The following LONRF1 variants were observed in gnomAD, a reference collection of about 807,000 sequenced individuals.
LONRF1 encodes LON peptidase N-terminal domain and RING finger protein 1.
In LONRF1, 37 loss-of-function variants were observed where a neutral mutation model predicts 85.8. That is an observed-to-expected ratio of 0.43 (90% CI 0.33 to 0.57). The LOEUF is 0.57. Among genes scored for constraint, LONRF1 ranks in the 20% least tolerant of loss-of-function variants. The pLI, the probability that LONRF1 is intolerant of heterozygous loss-of-function variation, is 0.04. For synonymous variants in LONRF1, 517 were observed against 390.1 expected, an observed-to-expected ratio of 1.33 and a Z score of -3.83; for missense variants, 1,036 against 978.0, an observed-to-expected ratio of 1.06 and a Z score of -0.79.
intron 3 of LONRF1, 140 bp from the exon 4 acceptor site, chr8:12,738,284 C>G (rs1291998418): frequency 1.9e-5 from 11 of 567,718 alleles, no homozygotes; most frequent in Non-Finnish European, 3.2e-5. Context: ...ACAAGGTAAG[C>G]AACACTGTAA....
chr8:12,736,404 T>C (rs1798716719), intron 6 of LONRF1, among the ~76,000 whole-genome samples: 1 of 152,176 alleles, frequency 6.6e-6, no homozygotes, highest in African/African-American at 2.4e-5. Context: ...TCTATAACTT[T>C]CTTAGTACTT....
intron 1 of LONRF1, among the ~76,000 whole-genome samples, chr8:12,750,543 C>T (rs371104166): frequency 2.0e-5 from 3 of 152,284 alleles, no homozygotes; most frequent in African/African-American, 4.8e-5. Context: ...TTTTATCATA[C>T]TGTACCATGT....
intron 1 of LONRF1, among the ~76,000 whole-genome samples, chr8:12,747,618 TA>T (rs80078843): frequency 0.2 from 29,948 of 152,206 alleles, 3,392 homozygotes; most frequent in East Asian, 0.33. Context: ...GTTAGCCTTC[TA>T]GGCAGAAAAG....
chr8:12,722,684 C>T lies in LONRF1; in HGVS notation c.*412G>A, dbSNP rs1455690739. Reference sequence around the variant, plus strand: ...AACTTGGGCAATAAATGACCCTCGGCAAGTTCTGCTCTCTATGGCTTTTTT... The same window carrying T: ...AACTTGGGCAATAAATGACCCTCGGTAAGTTCTGCTCTCTATGGCTTTTTT... On this transcript the variant is annotated 3_prime_UTR_variant, in exon 12 of 12. Coordinates refer to ENST00000398246, the MANE Select transcript of LONRF1 (RefSeq NM_152271.5). The T allele has an allele frequency of 6.5e-6, 1 of 154,228 alleles. No homozygotes were observed. The highest frequency in any genetic ancestry group is 1.4e-5 in the Non-Finnish European group (1 of 69,322). The allele number at this position is 154,228 out of a possible 1,614,324, so 9.6% of individuals were successfully genotyped here.
In LONRF1 at chr8:12,722,151, A is replaced by C. The variant is rs1805911712; in HGVS notation, c.*945T>G. 6.6e-6 allele frequency: 1 copy of C among 152,612 alleles called. No individual in the cohort carries two copies. The highest frequency in any genetic ancestry group is 2.4e-5 in the African/African-American group (1 of 41,440). 9.5% of individuals were successfully genotyped at this position (152,612 alleles called of 1,614,324 possible). A position where few individuals can be genotyped will look rare whatever the true frequency, so the allele number is the denominator to read the frequency against. Reference sequence around the variant, plus strand: ...AGAATTAAAAACAAAAACAAACTTTAAAAGCTTAGTTCTATATTAAACTTC... The same window carrying C: ...AGAATTAAAAACAAAAACAAACTTTCAAAGCTTAGTTCTATATTAAACTTC... On this transcript the variant is annotated 3_prime_UTR_variant, in exon 12 of 12. Transcript: ENST00000398246.
At chr8:12,731,611 G>A (rs759183549) in intron 8 of LONRF1, 125 bp downstream of exon 8, 60 of 772,398 alleles carry the variant, frequency 7.8e-5, no homozygotes, top group Non-Finnish European at 1.0e-4. Context: ...TGAGGACCAC[G>A]GAAACAGACC....
At chr8:12,751,294 A>ATGGTTTTTTTTTTTT (rs1438009366) in intron 1 of LONRF1, among the ~76,000 whole-genome samples, 28 of 84,822 alleles carry the variant, frequency 3.3e-4, no homozygotes, top group Non-Finnish European at 5.4e-4. Flanking sequence ...TTTTATTTTT[A>ATGGTTTTTTTTTTTT]TGTTTTTTTT....
intron 10 of LONRF1, among the ~76,000 whole-genome samples, chr8:12,728,165 G>C (rs991589765): frequency 2.0e-5 from 3 of 152,134 alleles, no homozygotes; most frequent in African/African-American, 7.2e-5. Flanking sequence ...CTTTCCAAAA[G>C]AAATTGCCTT....
intron 8 of LONRF1, among the ~76,000 whole-genome samples, chr8:12,730,806 C>A (rs1181121907): frequency 6.6e-6 from 1 of 152,146 alleles, no homozygotes; most frequent in Non-Finnish European, 1.5e-5. Context: ...ACCTGGCTCA[C>A]TGAAGACATC....
intron 8 of LONRF1, 91 bp from the exon 9 acceptor site, chr8:12,729,423 G>A (rs943963001): frequency 7.0e-6 from 9 of 1,281,956 alleles, no homozygotes; most frequent in Non-Finnish European, 9.8e-6. Context: ...TAACAGTAAT[G>A]AACTAATGTA....
chr8:12,736,606 GTTACT>G, intron 6 of LONRF1, 90 bp downstream of exon 6: 1 of 826,276 alleles, frequency 1.2e-6, no homozygotes, highest in East Asian at 2.8e-5. Flanking sequence ...CCAGCATTGT[GTTACT>G]TTACATTGTC....
At chr8:12,729,839 T>C (rs1798460654) in intron 8 of LONRF1, among the ~76,000 whole-genome samples, 1 of 152,192 alleles carries the variant, frequency 6.6e-6, no homozygotes, top group African/African-American at 2.4e-5. Flanking sequence ...TAACATTTTT[T>C]CCAAGTAATT....
intron 8 of LONRF1, among the ~76,000 whole-genome samples, 183 bp downstream of exon 8, chr8:12,731,553 T>C (rs966769439): frequency 6.6e-6 from 1 of 151,984 alleles, no homozygotes; most frequent in African/African-American, 2.4e-5. Flanking sequence ...TAACTCCCTA[T>C]AAAACATCCG....
chr8:12,747,375 G>GT (rs996993646), intron 1 of LONRF1, among the ~76,000 whole-genome samples: 1 of 152,020 alleles, frequency 6.6e-6, no homozygotes, highest in African/African-American at 2.4e-5. Flanking sequence ...CTTCAAGAAA[G>GT]TTTTTTTCAA....
chr8:12,741,976 T>C (rs1464000483), intron 2 of LONRF1, among the ~76,000 whole-genome samples: 3 of 152,220 alleles, frequency 2.0e-5, no homozygotes, highest in Admixed American at 1.3e-4. Flanking sequence ...GCTTATGTGA[T>C]TAGAATGAAA....
Position 12,753,187 on chromosome 8 carries a change from G to A in LONRF1, c.721+1513C>T, listed in dbSNP as rs1799479615. On this transcript the variant is annotated intron_variant, in intron 1 of 11. Coordinates refer to ENST00000398246, the MANE Select transcript of LONRF1 (RefSeq NM_152271.5). ...TTATACCTGCCTACTCCTCACGAAG[G>A]CACTGAAAGAATACAAAAATCTCCG... 3 of 152,006 alleles carry A rather than the reference G, an allele frequency of 2.0e-5. No homozygotes were observed. In the South Asian group the frequency reaches 6.2e-4, roughly 32 times the overall value. The allele number at this position is 152,006 out of a possible 1,614,324, so 9.4% of individuals were successfully genotyped here. A position where few individuals can be genotyped will look rare whatever the true frequency, so the allele number is the denominator to read the frequency against.
At chr8:12,753,630 C>T (rs1252688193) in intron 1 of LONRF1, 2 of 152,106 alleles carry the variant, frequency 1.3e-5, no homozygotes, top group Non-Finnish European at 1.5e-5. Context: ...AAATAATGCC[C>T]CCTGAGAGAG....
At chr8:12,736,250 G>A (rs1488718720) in intron 6 of LONRF1, among the ~76,000 whole-genome samples, 2 of 152,016 alleles carry the variant, frequency 1.3e-5, no homozygotes, top group African/African-American at 2.4e-5. Flanking sequence ...TCTGAATAAT[G>A]GAAATCCTTA....
chr8:12,739,568 T>C (rs558496846), intron 3 of LONRF1, among the ~76,000 whole-genome samples: 7 of 152,298 alleles, frequency 4.6e-5, no homozygotes, highest in East Asian at 1.9e-4. Context: ...CACAGGTACA[T>C]ACATTTTTCA....
Sources: allele counts gnomAD v4.1 joint callset (sites outside exome capture counted in the v4.1 genomes callset), GRCh38; gene constraint gnomAD v4.1.1; transcripts MANE v1.5; gene names NCBI Gene and HGNC (gene_info 2026-07-23, HGNC 2026-07-21).